The following FSTL4 variants were observed in gnomAD, a reference collection of about 807,000 sequenced individuals.
FSTL4 encodes follistatin-related protein 4.
Under a neutral mutation model 78.2 loss-of-function variants are expected in FSTL4, and 28 were observed. That is an observed-to-expected ratio of 0.36 (90% confidence interval 0.27 to 0.49). The LOEUF (loss-of-function observed/expected upper bound fraction) is 0.49, where lower values mean the gene tolerates loss of function less well. Among genes scored for constraint, FSTL4 ranks in the 20% least tolerant of loss-of-function variants. The pLI, the probability that FSTL4 is intolerant of heterozygous loss-of-function variation, is 0.98. For missense variants in FSTL4, 922 were observed against 1,084.9 expected (o/e 0.85, Z 2.11); for synonymous variants, 422 against 440.5 (o/e 0.96, Z 0.53).
chr5:133,253,094 A>G (rs559811236), intron 6 of FSTL4, among the ~76,000 whole-genome samples: 10 of 152,354 alleles, frequency 6.6e-5, no homozygotes, highest in East Asian at 1.9e-4. Flanking sequence ...ATTTGTGTCA[A>G]TATTCCCCAG....
intron 4 of FSTL4, among the ~76,000 whole-genome samples, chr5:133,359,047 C>T (rs1755009769): frequency 6.6e-6 from 1 of 152,166 alleles, no homozygotes; most frequent in African/African-American, 2.4e-5. Context: ...AACTTTTGTG[C>T]TCTTAACCTG....
At chr5:133,760,581 A>G in the FSTL4 span, among the ~76,000 whole-genome samples, 2 of 151,982 alleles carry the variant, frequency 1.3e-5, no homozygotes, top group African/African-American at 4.8e-5. Context: ...TGCCCAGTGC[A>G]CTCTGTCGTT....
intron 4 of FSTL4, among the ~76,000 whole-genome samples, chr5:133,328,659 C>T (rs200692478): frequency 6.6e-6 from 1 of 152,138 alleles, no homozygotes; most frequent in Admixed American, 6.5e-5. Flanking sequence ...TTATGAACTC[C>T]GGCTCCCCCT....
At chr5:133,539,008 A>C (rs1759413831) in intron 3 of FSTL4, among the ~76,000 whole-genome samples, 4 of 152,096 alleles carry the variant, frequency 2.6e-5, no homozygotes, top group South Asian at 2.1e-4. Context: ...ACCTCAGGGC[A>C]CTGTTTATAT....
intron 3 of FSTL4, among the ~76,000 whole-genome samples, chr5:133,486,089 C>T (rs1442128667): frequency 6.6e-6 from 1 of 152,020 alleles, no homozygotes; most frequent in Non-Finnish European, 1.5e-5. Context: ...ATGCGACCAT[C>T]GGTAAAAACA....
the FSTL4 span, among the ~76,000 whole-genome samples, chr5:133,797,754 T>A: frequency 6.6e-6 from 1 of 152,132 alleles, no homozygotes; most frequent in African/African-American, 2.4e-5. Context: ...TGGGGTACCT[T>A]ATCTGCATCT....
At chr5:133,265,738 C>T (rs1338000089) in intron 6 of FSTL4, among the ~76,000 whole-genome samples, 2 of 152,178 alleles carry the variant, frequency 1.3e-5, no homozygotes, top group Admixed American at 6.5e-5. Context: ...CCACAGGCTG[C>T]CCCTCCCCCA....
the FSTL4 span, among the ~76,000 whole-genome samples, chr5:133,803,570 C>T: frequency 6.6e-6 from 1 of 152,210 alleles, no homozygotes; most frequent in Non-Finnish European, 1.5e-5. Context: ...GGGAAAAAGT[C>T]CTCTGCAAAC....
chr5:133,832,733 T>C, the FSTL4 span, among the ~76,000 whole-genome samples: 1 of 152,236 alleles, frequency 6.6e-6, no homozygotes, highest in Non-Finnish European at 1.5e-5. Flanking sequence ...TATTAGTGCC[T>C]GGTAGGTGGT....
the FSTL4 span, among the ~76,000 whole-genome samples, chr5:133,828,377 G>A: frequency 6.6e-6 from 1 of 152,138 alleles, no homozygotes; most frequent in African/African-American, 2.4e-5. Context: ...CTCAGTGACA[G>A]GATTTTTCAC....
chr5:133,820,122 C>T, the FSTL4 span, among the ~76,000 whole-genome samples: 5 of 152,228 alleles, frequency 3.3e-5, no homozygotes, highest in Admixed American at 6.5e-5. Flanking sequence ...GGGTTGCAGT[C>T]GCAGAGGCCT....
chr5:133,275,719 G>A (rs1028451624), intron 6 of FSTL4: 3 of 152,134 alleles, frequency 2.0e-5, no homozygotes, highest in African/African-American at 4.8e-5. Context: ...AAATACATAC[G>A]AATACCCTCT....
intron 6 of FSTL4, among the ~76,000 whole-genome samples, chr5:133,306,343 A>G (rs1180563511): frequency 6.6e-6 from 1 of 152,200 alleles, no homozygotes; most frequent in Non-Finnish European, 1.5e-5. Context: ...TGCCGGAGGT[A>G]AAGGTAATTA....
upstream of FSTL4, among the ~76,000 whole-genome samples, chr5:133,614,051 G>A (rs1476443203): frequency 6.6e-6 from 1 of 152,174 alleles, no homozygotes; most frequent in Non-Finnish European, 1.5e-5. Context: ...AGGGAAGTTT[G>A]GAAATGTGCT....
At position 133,611,071 on chromosome 5, in the gene FSTL4, G is replaced by A. The variant is rs1761078794; in HGVS notation, c.-11+1254C>T. ...CAAGCTGCCGGCGCTGTTTTTCACT[G>A]GAGGAAAGCTCGGCGGAAGCGACAC... On this transcript the variant is annotated intron_variant, in intron 1 of 15. Coordinates refer to ENST00000265342, the MANE Select transcript of FSTL4 (RefSeq NM_015082.2). This position sits in a 1 kb window ranked among gnomAD's most constrained non-coding sequence, Gnocchi z 4.9. Among the ~76,000 whole-genome samples, 1 of 152,164 alleles carries A rather than the reference G, an allele frequency of 6.6e-6. No individual in the cohort carries two copies. Among genetic ancestry groups the A allele is most frequent in the Non-Finnish European group, 1.5e-5 (1 of 68,020 alleles).
intron 4 of FSTL4, among the ~76,000 whole-genome samples, chr5:133,374,137 C>G (rs919288138): frequency 1.3e-5 from 2 of 152,324 alleles, no homozygotes; most frequent in African/African-American, 4.8e-5. Flanking sequence ...CCTCCTGCCC[C>G]CTCCCCTGGC....
At chr5:133,831,778 C>G in the FSTL4 span, among the ~76,000 whole-genome samples, 23 of 152,132 alleles carry the variant, frequency 1.5e-4, no homozygotes, top group African/African-American at 5.3e-4. Context: ...GAAAGGAATG[C>G]TAATTTGTGA....
At chr5:133,281,296 CTG>C (rs770372705) in intron 6 of FSTL4, among the ~76,000 whole-genome samples, 2 of 152,162 alleles carry the variant, frequency 1.3e-5, no homozygotes, top group Non-Finnish European at 2.9e-5. Flanking sequence ...TCCCTGCTGA[CTG>C]TTGCCTGAAA....
chr5:133,654,504 C>A, the FSTL4 span, among the ~76,000 whole-genome samples: 2 of 152,218 alleles, frequency 1.3e-5, no homozygotes, highest in Admixed American at 1.3e-4. Flanking sequence ...GGTGATCTTA[C>A]AGGTCTTTGG....
Sources: gnomAD v4.1 joint callset for allele counts (sites outside exome capture counted in the v4.1 genomes callset) on GRCh38, gnomAD v4.1.1 for gene constraint, Gnocchi (gnomAD v3.1) non-coding constraint, MANE v1.5 for transcripts, NCBI Gene and HGNC (gene_info 2026-07-23, HGNC 2026-07-21) for gene names.